CREM: variants seen among roughly 807,000 people sequenced by gnomAD.
CREM encodes cAMP responsive element modulator.
In CREM, 13 loss-of-function variants were observed where a neutral mutation model predicts 37.3. The observed-to-expected ratio is 0.35, with a 90% confidence interval of 0.23 to 0.55. CREM has a LOEUF of 0.55. CREM is among the 20% of genes least tolerant of loss of function. The probability of loss-of-function intolerance (pLI) is 0.88; values close to 1 mark genes in which losing one functional copy is unlikely to be tolerated. For missense variants in CREM, 296 were observed against 362.3 expected (o/e 0.82, Z 1.49); for synonymous variants, 124 against 120.2 (o/e 1.03, Z -0.21).
chr10:35,186,650 A>G (rs117275522), intron 5 of CREM, among the ~76,000 whole-genome samples: 21,201 of 143,176 alleles, frequency 0.15, 1,790 homozygotes, highest in East Asian at 0.24. Context: ...ATATAGTTAT[A>G]TATAACATAT....
At chr10:35,139,090 T>C (rs1165299766) in intron 2 of CREM, among the ~76,000 whole-genome samples, 1 of 152,076 alleles carries the variant, frequency 6.6e-6, no homozygotes, top group African/African-American at 2.4e-5. Context: ...CCTGCTATTA[T>C]TAGTTGTTTG....
At chr10:35,189,958 T>G (rs944782629) in intron 6 of CREM, among the ~76,000 whole-genome samples, 1 of 152,182 alleles carries the variant, frequency 6.6e-6, no homozygotes, top group African/African-American at 2.4e-5. Flanking sequence ...GGTGGTGGCA[T>G]TTATGGAGTA....
At chr10:35,153,108 A>T (rs1000417998) in intron 3 of CREM, among the ~76,000 whole-genome samples, 4 of 152,010 alleles carry the variant, frequency 2.6e-5, no homozygotes, top group African/African-American at 9.7e-5. Context: ...GCCAGGTGTG[A>T]TGGCATGCCC....
At chr10:35,197,223 T>C (rs1217880238) in intron 6 of CREM, among the ~76,000 whole-genome samples, 1 of 152,084 alleles carries the variant, frequency 6.6e-6, no homozygotes, top group African/African-American at 2.4e-5. Flanking sequence ...TTACCAATAA[T>C]GCTACACATG....
chr10:35,144,253 A>G (rs999678780), intron 2 of CREM, among the ~76,000 whole-genome samples: 1 of 152,112 alleles, frequency 6.6e-6, no homozygotes, highest in Non-Finnish European at 1.5e-5. Context: ...CTTTCTCCCT[A>G]AGGCTCAACG....
intron 3 of CREM, among the ~76,000 whole-genome samples, chr10:35,165,056 CAAAAAAAAAAA>C (rs60898349): frequency 2.7e-5 from 2 of 74,956 alleles, no homozygotes; most frequent in Admixed American, 1.6e-4. Flanking sequence ...GGCTCCATCT[CAAAAAAAAAAA>C]AAAAAAAAAA....
At chr10:35,178,783 C>T in intron 3 of CREM, 106 bp from the exon 4 acceptor site, 3 of 790,460 alleles carry the variant, frequency 3.8e-6, no homozygotes, top group Non-Finnish European at 6.0e-6. Context: ...GTTGCTTCCA[C>T]AGCTCCTGGC....
Position 35,187,210 on chromosome 10 carries a change from T to TA in CREM, c.410-989dup, listed in dbSNP as rs551176137. ...AAATATATTAATATATAATATATAT[T>TA]ATATATTTATATATATAAAATATAT... On this transcript the variant is annotated intron_variant, in intron 5 of 7. Coordinates refer to ENST00000685392, the MANE Select transcript of CREM (RefSeq NM_183011.2). 4.5e-4 allele frequency among the ~76,000 whole-genome samples: 47 copies of TA among 104,586 alleles called. 1 individual carries two copies. In the South Asian group the frequency reaches 6.7e-3, roughly 15 times the overall value. 68.6% of individuals were successfully genotyped at this position (104,586 alleles called of 152,430 possible).
chr10:35,205,096 A>G (rs549307346), intron 6 of CREM, among the ~76,000 whole-genome samples: 2 of 152,218 alleles, frequency 1.3e-5, no homozygotes, highest in Admixed American at 6.5e-5. Flanking sequence ...CAGAGTGACA[A>G]ACTAACTCTG....
intron 3 of CREM, among the ~76,000 whole-genome samples, chr10:35,165,941 C>T (rs1374429063): frequency 6.6e-6 from 1 of 152,180 alleles, no homozygotes; most frequent in Non-Finnish European, 1.5e-5. Context: ...TTAAGAATGA[C>T]TGAATTATAA....
intron 1 of CREM, among the ~76,000 whole-genome samples, chr10:35,130,104 G>C (rs1004974860): frequency 4.6e-5 from 7 of 150,874 alleles, no homozygotes; most frequent in Non-Finnish European, 7.4e-5. Flanking sequence ...GCTGAGACTG[G>C]AGAATTGCTT....
chr10:35,147,906 A>G (rs1327473355), intron 2 of CREM, among the ~76,000 whole-genome samples: 1 of 152,228 alleles, frequency 6.6e-6, no homozygotes, highest in East Asian at 1.9e-4. Flanking sequence ...TTTCTTGAAG[A>G]AAACAAAAAC....
At chr10:35,175,214 A>T (rs567990698) in intron 3 of CREM, among the ~76,000 whole-genome samples, 1 of 152,194 alleles carries the variant, frequency 6.6e-6, no homozygotes, top group Non-Finnish European at 1.5e-5. Context: ...TTGGGAGGCC[A>T]AGGTGGGCAG....
At chr10:35,184,189 G>A (rs1037275487) in intron 5 of CREM, among the ~76,000 whole-genome samples, 2 of 152,164 alleles carry the variant, frequency 1.3e-5, no homozygotes, top group African/African-American at 4.8e-5. Context: ...CTTGAGCCTA[G>A]CAGTTTAAGA....
At chr10:35,135,718 C>A in intron 1 of CREM, among the ~76,000 whole-genome samples, 3 of 27,026 alleles carry the variant, frequency 1.1e-4, no homozygotes, top group East Asian at 2.2e-3. Flanking sequence ...ATACCTATTT[C>A]TGGAAAAAAA....
In CREM at chr10:35,137,877, A is replaced by AAGGT; in HGVS notation, c.44+5_44+8dup. The AAGGT allele has an allele frequency of 6.3e-7, 1 of 1,587,952 alleles. No homozygotes were observed. The highest frequency in any genetic ancestry group is 1.2e-5 in the South Asian group (1 of 86,566). ...GGAAAAAATATATTAAGACAAATCC[A>AAGGT]AGGTAGGTAGATGTACGTTTTTCTG... On this transcript the variant is annotated frameshift_variant and splice_region_variant, in exon 2 of 8. Transcript: ENST00000685392. LOFTEE classifies it high-confidence loss of function.
chr10:35,183,415 C>T (rs575460754), intron 5 of CREM, among the ~76,000 whole-genome samples: 10 of 152,248 alleles, frequency 6.6e-5, no homozygotes, highest in East Asian at 3.9e-4. Flanking sequence ...TTAATAGTGA[C>T]GTTGTTTACA....
At chr10:35,176,165 CTAGGTACG>C (rs1326088299) in intron 3 of CREM, among the ~76,000 whole-genome samples, 1 of 152,116 alleles carries the variant, frequency 6.6e-6, no homozygotes, top group African/African-American at 2.4e-5. Context: ...CTGTGTCCTG[CTAGGTACG>C]TAGGTTTCAC....
At chr10:35,167,625 T>C (rs2093616296) in intron 3 of CREM, 1 of 1,116,660 alleles carries the variant, frequency 9.0e-7, no homozygotes, top group Non-Finnish European at 1.3e-6. Flanking sequence ...AGTGTCACTA[T>C]TAGGGTTTTT....
Sources: gnomAD v4.1 joint callset for allele counts (sites outside exome capture counted in the v4.1 genomes callset) on GRCh38, gnomAD v4.1.1 for gene constraint, MANE v1.5 for transcripts, NCBI Gene and HGNC (gene_info 2026-07-23, HGNC 2026-07-21) for gene names.